ZEB1: variants seen among roughly 807,000 people sequenced by gnomAD.
ZEB1 encodes the protein zinc finger E-box-binding homeobox 1.
Under a neutral mutation model 84.9 loss-of-function variants are expected in ZEB1, and 21 were observed. That is an observed-to-expected ratio of 0.25 (90% confidence interval 0.18 to 0.36). The LOEUF (loss-of-function observed/expected upper bound fraction) is 0.36, where lower values mean the gene tolerates loss of function less well. ZEB1 is among the 10% of genes least tolerant of loss of function. The pLI, the probability that ZEB1 is intolerant of heterozygous loss-of-function variation, is 1.00. For missense variants in ZEB1, 1,104 were observed against 1,330.2 expected (o/e 0.83, Z 2.65); for synonymous variants, 420 against 471.1 (o/e 0.89, Z 1.41).
chr10:31,526,399 G>A (rs542430517), intron 8 of ZEB1, among the ~76,000 whole-genome samples: 4 of 152,140 alleles, frequency 2.6e-5, no homozygotes, highest in African/African-American at 9.6e-5. Flanking sequence ...TTTCCACCTC[G>A]CTGTCATGAT....
rs1370405169 is a variant in ZEB1 at position 31,437,557 on chromosome 10, C to G, written c.59-23480C>G. ...TCTTTCCAATGAAGGAGTAGAAAGA[C>G]TTTCTTTACAAAACTAGGCTCAGGG... On this transcript the variant is annotated intron_variant, in intron 1 of 8. Coordinates refer to ENST00000424869, the MANE Select transcript of ZEB1 (RefSeq NM_001174096.2). 2.0e-5 allele frequency among the ~76,000 whole-genome samples: 3 copies of G among 152,158 alleles called. No homozygotes were observed. In the East Asian group the frequency reaches 5.8e-4, roughly 29 times the overall value.
chr10:31,367,831 G>A (rs1357932284), intron 1 of ZEB1, among the ~76,000 whole-genome samples: 8 of 152,094 alleles, frequency 5.3e-5, no homozygotes, highest in Non-Finnish European at 1.2e-4. Flanking sequence ...CTTTTAGGAA[G>A]CCTGTCACAA....
chr10:31,481,799 A>G (rs1452757770), intron 2 of ZEB1, among the ~76,000 whole-genome samples: 1 of 152,092 alleles, frequency 6.6e-6, no homozygotes, highest in Admixed American at 6.6e-5. Context: ...AATCCAGAAA[A>G]TAAAAGAAAT....
chr10:31,498,665 A>G (rs1194521766), intron 3 of ZEB1, among the ~76,000 whole-genome samples: 1 of 152,048 alleles, frequency 6.6e-6, no homozygotes, highest in Admixed American at 6.6e-5. Flanking sequence ...AAATGTCAGT[A>G]GTTACAATTT....
intron 1 of ZEB1, among the ~76,000 whole-genome samples, chr10:31,370,319 T>C (rs1023502875): frequency 6.6e-6 from 1 of 151,962 alleles, no homozygotes; most frequent in Non-Finnish European, 1.5e-5. Flanking sequence ...GAAAGAAAAA[T>C]AGATGTGATG....
chr10:31,414,845 T>C (rs922455580), intron 1 of ZEB1, among the ~76,000 whole-genome samples: 70 of 152,196 alleles, frequency 4.6e-4, no homozygotes, highest in Non-Finnish European at 1.3e-4. Flanking sequence ...ATAAATAGCA[T>C]TATAAACCAT....
intron 1 of ZEB1, 47 bp downstream of exon 1, chr10:31,319,339 G>C (rs2033027388): frequency 1.3e-6 from 2 of 1,579,918 alleles, no homozygotes; most frequent in Non-Finnish European, 1.7e-6. Context: ...GGGGGAGCTG[G>C]GCAGCCGGGG....
intron 3 of ZEB1, among the ~76,000 whole-genome samples, chr10:31,499,167 C>A (rs1283764832): frequency 6.6e-6 from 1 of 152,120 alleles, no homozygotes; most frequent in Non-Finnish European, 1.5e-5. Context: ...TCATTACAAT[C>A]ATCTATTCCC....
chr10:31,391,904 AC>A (rs2049810941), intron 1 of ZEB1, among the ~76,000 whole-genome samples: 1 of 152,188 alleles, frequency 6.6e-6, no homozygotes, highest in Admixed American at 6.6e-5. Context: ...GGATTTCATA[AC>A]AAAAAATTTG....
rs571527780 is a variant in ZEB1, at chr10:31,497,639, A to G, written c.322+1801A>G. ...TGCTTTTGTTACTTCCTTGACTTCTAGGGAATAATATGCTGACAAAATGAG... is the reference window on the plus strand; with the variant it reads ...TGCTTTTGTTACTTCCTTGACTTCTGGGGAATAATATGCTGACAAAATGAG... On this transcript the variant is annotated intron_variant, in intron 3 of 8. Coordinates refer to ENST00000424869, the MANE Select transcript of ZEB1 (RefSeq NM_001174096.2). Among the ~76,000 whole-genome samples, 16 of 152,242 alleles carry G rather than the reference A, an allele frequency of 1.1e-4. No individual in the cohort carries two copies. In the South Asian group the frequency reaches 3.1e-3, roughly 30 times the overall value.
chr10:31,381,068 A>G (rs766552534), intron 1 of ZEB1, among the ~76,000 whole-genome samples: 3 of 152,214 alleles, frequency 2.0e-5, no homozygotes, highest in Admixed American at 6.5e-5. Flanking sequence ...AAGCTGTAGA[A>G]TAAATGGTGA....
chr10:31,444,826 A>G (rs1030476705), intron 1 of ZEB1, among the ~76,000 whole-genome samples: 5 of 151,518 alleles, frequency 3.3e-5, no homozygotes, highest in Admixed American at 1.3e-4. Context: ...GCCTTGTAGT[A>G]TAGTTTGAAG....
At chr10:31,329,629 A>G (rs1168507396) in intron 1 of ZEB1, among the ~76,000 whole-genome samples, 2 of 152,172 alleles carry the variant, frequency 1.3e-5, no homozygotes, top group African/African-American at 4.8e-5. Context: ...AGAAGCTGCA[A>G]AATTGCAAAC....
chr10:31,383,168 A>T (rs1339042400), intron 1 of ZEB1, among the ~76,000 whole-genome samples: 1 of 152,108 alleles, frequency 6.6e-6, no homozygotes, highest in Non-Finnish European at 1.5e-5. Context: ...TTAAATGATT[A>T]TTTTTGGAGA....
rs533632242 is a variant in ZEB1 at position 31,472,815 on chromosome 10, T to C, written c.259+11578T>C. On this transcript the variant is annotated intron_variant, in intron 2 of 8. Coordinates refer to ENST00000424869, the MANE Select transcript of ZEB1 (RefSeq NM_001174096.2). The stretch of plus-strand genomic sequence containing the variant: ...ATTGATGCAAAAATCCTCAGTAAAA[T>C]ACTGGCAAACCGAATCCAGCAGCAC... 1.6e-4 allele frequency among the ~76,000 whole-genome samples: 22 copies of C among 138,520 alleles called. No homozygotes were observed. In the East Asian group the frequency reaches 2.4e-3, roughly 15 times the overall value. 90.9% of individuals were successfully genotyped at this position (138,520 alleles called of 152,430 possible).
intron 2 of ZEB1, among the ~76,000 whole-genome samples, chr10:31,481,676 T>C (rs2065060428): frequency 6.6e-6 from 1 of 151,630 alleles, no homozygotes; most frequent in African/African-American, 2.4e-5. Flanking sequence ...AATGACTAAA[T>C]GAATGAATGA....
intron 1 of ZEB1, among the ~76,000 whole-genome samples, chr10:31,427,858 CAAA>C (rs60403022): frequency 4.2e-5 from 5 of 119,376 alleles, no homozygotes; most frequent in Admixed American, 8.8e-5. Flanking sequence ...GACTCCATCT[CAAA>C]AAAAAAAAAA....
At chr10:31,523,282 C>A (rs1050825109) in intron 7 of ZEB1, among the ~76,000 whole-genome samples, 1 of 152,166 alleles carries the variant, frequency 6.6e-6, no homozygotes, top group African/African-American at 2.4e-5. Context: ...ATGAGACTGC[C>A]TGGAGTTTCT....
chr10:31,455,119 A>G (rs972736098), intron 1 of ZEB1, among the ~76,000 whole-genome samples: 2 of 152,190 alleles, frequency 1.3e-5, no homozygotes, highest in Non-Finnish European at 2.9e-5. Flanking sequence ...CACATCTACA[A>G]CCATCTGATC....
Sources: allele counts gnomAD v4.1 joint callset (sites outside exome capture counted in the v4.1 genomes callset), GRCh38; gene constraint gnomAD v4.1.1; transcripts MANE v1.5; gene names NCBI Gene and HGNC (gene_info 2026-07-23, HGNC 2026-07-21).